The following SYNDIG1L variants were observed in gnomAD, a reference collection of about 807,000 sequenced individuals.
The protein encoded by SYNDIG1L is synapse differentiation-inducing gene protein 1-like.
In SYNDIG1L, 13 loss-of-function variants were observed where a neutral mutation model predicts 20.1. The ratio of observed to expected loss-of-function variants is 0.65; its 90% CI spans 0.42 to 1.03. The LOEUF (loss-of-function observed/expected upper bound fraction) is 1.03, where lower values mean the gene tolerates loss of function less well. Among genes scored for constraint, SYNDIG1L ranks in the 50% least tolerant of loss-of-function variants. The pLI, the probability that SYNDIG1L is intolerant of heterozygous loss-of-function variation, is 0.00. For missense variants in SYNDIG1L, 294 were observed against 305.1 expected (o/e 0.96, Z 0.27); for synonymous variants, 128 against 129.3 (o/e 0.99, Z 0.07).
chr14:74,426,083 GC>G lies in SYNDIG1L; in HGVS notation c.-230del, dbSNP rs1566586716. 6 of 150,070 alleles carry G rather than the reference GC, an allele frequency of 4.0e-5. No homozygotes were observed. The allele number at this position is 150,070 out of a possible 1,614,324, so 9.3% of individuals were successfully genotyped here. ...CGCTTCAGCACCGCGGACAGCTCCC[GC>G]CCGCAGCCCGCCGCCGCCGCCCGCC... is the stretch of plus-strand genomic sequence containing the variant. On this transcript the variant is annotated 5_prime_UTR_variant, in exon 1 of 4. The change abolishes the stop of an existing upstream ORF in the 5' untranslated region. Transcript: ENST00000331628.
intron 1 of SYNDIG1L, among the ~76,000 whole-genome samples, chr14:74,422,558 G>C (rs1311217419): frequency 2.0e-5 from 3 of 151,874 alleles, no homozygotes; most frequent in Non-Finnish European, 4.4e-5. Flanking sequence ...GTGATGTGCA[G>C]ATATCTCTGG....
chr14:74,436,090 G>T, the SYNDIG1L span, among the ~76,000 whole-genome samples: 1 of 152,126 alleles, frequency 6.6e-6, no homozygotes, highest in East Asian at 1.9e-4. Flanking sequence ...TATTGCTCTG[G>T]CCAGCAAAGA....
chr14:74,439,252 C>T, the SYNDIG1L span, among the ~76,000 whole-genome samples: 6 of 152,202 alleles, frequency 3.9e-5, no homozygotes, highest in South Asian at 2.1e-4. Context: ...GCACTCAGAG[C>T]GTTGTACTTT....
chr14:74,459,662 G>C, the SYNDIG1L span, among the ~76,000 whole-genome samples: 1 of 152,176 alleles, frequency 6.6e-6, no homozygotes, highest in South Asian at 2.1e-4. Flanking sequence ...AGGAGCCTGT[G>C]GGGGGACATG....
chr14:74,428,669 G>T (rs968551789), upstream of SYNDIG1L, among the ~76,000 whole-genome samples: 5 of 152,144 alleles, frequency 3.3e-5, no homozygotes, highest in Non-Finnish European at 7.4e-5. Context: ...TTTATTAAAG[G>T]ATGAGACAGT....
chr14:74,429,054 C>T (rs1182681862), upstream of SYNDIG1L, among the ~76,000 whole-genome samples: 1 of 152,032 alleles, frequency 6.6e-6, no homozygotes, highest in Admixed American at 6.6e-5. Context: ...TTTTATTTTC[C>T]CTTTGGTTCC....
chr14:74,435,523 C>G, the SYNDIG1L span, among the ~76,000 whole-genome samples: 1 of 152,174 alleles, frequency 6.6e-6, no homozygotes, highest in East Asian at 1.9e-4. Flanking sequence ...TGATTCCTTA[C>G]CCAGTAGAAT....
intron 1 of SYNDIG1L, among the ~76,000 whole-genome samples, chr14:74,412,214 C>T (rs1011403915): frequency 6.6e-6 from 1 of 152,174 alleles, no homozygotes; most frequent in Non-Finnish European, 1.5e-5. Context: ...AAGGCAGAGG[C>T]CTTGCTGGGC....
chr14:74,423,995 G>A (rs113583562), intron 1 of SYNDIG1L, among the ~76,000 whole-genome samples: 7 of 152,164 alleles, frequency 4.6e-5, no homozygotes, highest in African/African-American at 1.7e-4. Context: ...AGAGAAATAA[G>A]AGAGGGGGTT....
chr14:74,418,399 C>G lies in SYNDIG1L; in HGVS notation c.-58+7513G>C, dbSNP rs937076952. ...AGCCTAACACAATTGATTATCCTTT[C>G]TCTCGCCTCTGTCTCCAACTGCTCC... On this transcript the variant is annotated intron_variant, in intron 1 of 3. Transcript: ENST00000331628. Among the ~76,000 whole-genome samples the G allele has an allele frequency of 3.3e-4, 50 of 152,358 alleles. 2 individuals are homozygous for G. The highest frequency in any genetic ancestry group is 1.2e-3 in the African/African-American group (50 of 41,590).
intron 1 of SYNDIG1L, among the ~76,000 whole-genome samples, chr14:74,423,354 A>G (rs571163596): frequency 9.8e-5 from 15 of 152,286 alleles, no homozygotes; most frequent in Middle Eastern, 3.4e-3. Context: ...TCCTCTGCAG[A>G]CCAGCCTTGC....
chr14:74,438,973 GCGTGGTGGCA>G, the SYNDIG1L span, among the ~76,000 whole-genome samples: 1 of 152,160 alleles, frequency 6.6e-6, no homozygotes, highest in South Asian at 2.1e-4. Flanking sequence ...AATTAGTCAG[GCGTGGTGGCA>G]CGTGCCTGTA....
At chr14:74,416,046 C>G (rs1371430950) in intron 1 of SYNDIG1L, among the ~76,000 whole-genome samples, 2 of 152,024 alleles carry the variant, frequency 1.3e-5, no homozygotes, top group African/African-American at 4.8e-5. Flanking sequence ...CGACAGAAAG[C>G]AGATGGGTAG....
At chr14:74,434,917 TAA>T in the SYNDIG1L span, among the ~76,000 whole-genome samples, 5 of 130,656 alleles carry the variant, frequency 3.8e-5, no homozygotes, top group Admixed American at 7.8e-5. Context: ...CCATCTCTAC[TAA>T]AAAAAAAAAA....
At chr14:74,416,738 A>C (rs1231014678) in intron 1 of SYNDIG1L, among the ~76,000 whole-genome samples, 2 of 152,252 alleles carry the variant, frequency 1.3e-5, no homozygotes, top group African/African-American at 4.8e-5. Flanking sequence ...GTGACAATCC[A>C]AAAAGGTTGA....
intron 1 of SYNDIG1L, among the ~76,000 whole-genome samples, chr14:74,421,636 T>C (rs1055831560): frequency 6.6e-6 from 1 of 152,094 alleles, no homozygotes; most frequent in Non-Finnish European, 1.5e-5. Flanking sequence ...TGTTTTAAAG[T>C]GTGTTAAAGA....
chr14:74,443,212 A>G, the SYNDIG1L span, among the ~76,000 whole-genome samples: 1 of 152,204 alleles, frequency 6.6e-6, no homozygotes, highest in African/African-American at 2.4e-5. Flanking sequence ...AAAGGAGACA[A>G]GGGGGAGGGA....
chr14:74,451,683 C>T, the SYNDIG1L span, among the ~76,000 whole-genome samples: 1 of 152,140 alleles, frequency 6.6e-6, no homozygotes, highest in Non-Finnish European at 1.5e-5. Context: ...TAAAGTACTT[C>T]TATGTGCAAT....
chr14:74,422,027 T>C (rs571813813), intron 1 of SYNDIG1L, among the ~76,000 whole-genome samples: 10 of 152,316 alleles, frequency 6.6e-5, no homozygotes, highest in African/African-American at 2.4e-4. Flanking sequence ...GGATGATGGC[T>C]CTGCTACTCA....
Sources: allele counts gnomAD v4.1 joint callset (sites outside exome capture counted in the v4.1 genomes callset), GRCh38; gene constraint gnomAD v4.1.1; transcripts MANE v1.5; gene names NCBI Gene and HGNC (gene_info 2026-07-23, HGNC 2026-07-21).